KIF20A: variants seen among roughly 807,000 people sequenced by gnomAD.
KIF20A encodes kinesin-like protein KIF20A.
KIF20A carries 66 observed loss-of-function variants against 113.0 expected under a neutral mutation model. The observed-to-expected ratio is 0.58, with a 90% confidence interval of 0.48 to 0.72. KIF20A has a LOEUF of 0.72. Among genes scored for constraint, KIF20A ranks in the 30% least tolerant of loss-of-function variants. The pLI, the probability that KIF20A is intolerant of heterozygous loss-of-function variation, is 0.00. For missense variants in KIF20A, 927 were observed against 1,077.6 expected, an observed-to-expected ratio of 0.86 and a Z score of 1.96; for synonymous variants, 376 against 402.3, an observed-to-expected ratio of 0.93 and a Z score of 0.78.
At position 138,183,022 on chromosome 5, in the gene KIF20A, T is replaced by C; in HGVS notation, c.832+32T>C. 1 of 1,613,382 alleles carries C rather than the reference T, an allele frequency of 6.2e-7. No individual in the cohort carries two copies. Among genetic ancestry groups the C allele is most frequent in the Non-Finnish European group, 8.5e-7 (1 of 1,179,762 alleles). On this transcript the variant is annotated intron_variant, in intron 7 of 18. Coordinates refer to ENST00000394894, the MANE Select transcript of KIF20A (RefSeq NM_005733.3). This position sits in a 1 kb window ranked among gnomAD's most constrained non-coding sequence, Gnocchi z 5.2. The stretch of plus-strand genomic sequence containing the variant: ...ACCGTGACTGGGCTCTGCCAAAAAA[T>C]AGTAGGAACTCACTCCCTGTTCCTA...
intron 18 of KIF20A, among the ~76,000 whole-genome samples, chr5:138,186,875 CTACCT>C (rs972241593): frequency 2.6e-5 from 4 of 152,186 alleles, no homozygotes; most frequent in African/African-American, 7.2e-5. Flanking sequence ...CAAGCTCATA[CTACCT>C]TATGTGTTAG....
In KIF20A at chr5:138,184,951, T is replaced by C. The variant is rs202101506; in HGVS notation, c.1823+5T>C. The C allele has an allele frequency of 5.0e-6, 8 of 1,613,824 alleles. No individual in the cohort carries two copies. The African/African-American group carries it at 9.3e-5, about 19-fold the overall frequency. On this transcript the variant is annotated splice_donor_5th_base_variant and intron_variant, in intron 14 of 18. Coordinates refer to ENST00000394894, the MANE Select transcript of KIF20A (RefSeq NM_005733.3). ...ACAGCGGGAACAGTGGTGCAGGTAC[T>C]AGCTGAGTGACCCCTCTTGCTCTGT... is the stretch of plus-strand genomic sequence containing the variant.
chr5:138,187,209 G>A lies in KIF20A; in HGVS notation c.2469G>A (p.Gln823=), dbSNP rs766289361. The A allele has an allele frequency of 1.9e-6, 3 of 1,614,142 alleles. No homozygotes were observed. The highest frequency in any genetic ancestry group is 1.7e-6 in the Non-Finnish European group (2 of 1,180,012). The change falls in exon 19 of 19, where the codon CAG becomes CAA. Residue 823 remains glutamine (Q), a synonymous_variant. Transcript: ENST00000394894. The part of the protein sequence containing the change: ...QYHTVLKLQG[Q]VSAKKRLGTN... ...ATACTGTGTTGAAACTCCAAGGCCA[G>A]GTTTCTGCCAAAAAGCGCCTTGGTA...
Position 138,184,362 on chromosome 5 carries a change from T to A in KIF20A, c.1476T>A (p.Asp492Glu). The change falls in exon 12 of 19, where the codon GAT (aspartate) becomes GAA (glutamate). Residue 492 changes from aspartate (D) to glutamate (E), a missense_variant. Transcript: ENST00000394894. The stretch of plus-strand genomic sequence containing the variant: ...TGAATCCCTGTGCATCTACCTATGA[T>A]GAAACTCTTCATGTGGCCAAGTTCT... The part of the protein sequence containing the change: ...VNVNPCASTY[D>E]ETLHVAKFSA... The A allele has an allele frequency of 1.9e-6, 3 of 1,614,232 alleles. No individual in the cohort carries two copies. The highest frequency in any genetic ancestry group is 1.3e-5 in the African/African-American group (1 of 75,066).
At chr5:138,185,846 T>C in intron 16 of KIF20A, 115 bp from the exon 17 acceptor site, 1 of 1,292,078 alleles carries the variant, frequency 7.7e-7, no homozygotes, top group Non-Finnish European at 1.1e-6. Context: ...CAATCTAGGA[T>C]ACACATAGCC....
chr5:138,179,692 G>T lies in KIF20A; in HGVS notation c.12G>T (p.Gly4=), dbSNP rs1754607444. ...CTGCCCCTGCCGTCATGTCGCAAGG[G>T]ATCCTTTCTCCGCCAGCGGGCTTGC... is the stretch of plus-strand genomic sequence containing the variant. MSQ[G]ILSPPAGLLS... Residue 4 remains glycine (G), a synonymous_variant, in exon 2 of 19, where the codon GGG becomes GGT. Transcript: ENST00000394894. The T allele has an allele frequency of 3.1e-6, 5 of 1,614,036 alleles. No homozygotes were observed. The African/African-American group carries it at 6.7e-5, about 22-fold the overall frequency.
chr5:138,185,002 AGGAGTTAGGT>A, intron 14 of KIF20A, 56 bp downstream of exon 14: 1 of 1,605,632 alleles, frequency 6.2e-7, no homozygotes, highest in South Asian at 1.1e-5. Context: ...GTGGGAAGTA[AGGAGTTAGGT>A]GGAGTTGTGC....
chr5:138,181,382 T>C, intron 2 of KIF20A, 40 bp from the exon 3 acceptor site: 1 of 1,569,018 alleles, frequency 6.4e-7, no homozygotes, highest in South Asian at 1.1e-5. Flanking sequence ...AGGTAACTGC[T>C]GAAATTAATC....
chr5:138,181,803 T>G (rs1246543815), intron 4 of KIF20A, 75 bp downstream of exon 4: 3 of 1,553,476 alleles, frequency 1.9e-6, no homozygotes, highest in Non-Finnish European at 1.8e-6. Flanking sequence ...GAGGGAAAGC[T>G]TCTCTTCCTG....
In KIF20A at chr5:138,183,889, C is replaced by T. The variant is rs1754700976; in HGVS notation, c.1209-73C>T. On this transcript the variant is annotated intron_variant, in intron 10 of 18. Transcript: ENST00000394894. This position sits in a 1 kb window ranked among gnomAD's most constrained non-coding sequence, Gnocchi z 5.2. Reference sequence around the variant, plus strand: ...AGATTCTTAGTGGGCCGTCCCCTCTCCAGAATTATACAAAGGGCCAGAAGG... The same window carrying T: ...AGATTCTTAGTGGGCCGTCCCCTCTTCAGAATTATACAAAGGGCCAGAAGG... The T allele has an allele frequency of 8.1e-6, 13 of 1,603,518 alleles. No individual in the cohort carries two copies. The Admixed American group carries it at 1.0e-4, about 12-fold the overall frequency.
chr5:138,179,248 G>T (rs965243579), intron 1 of KIF20A, 46 bp downstream of exon 1: 8 of 191,910 alleles, frequency 4.2e-5, no homozygotes, highest in Admixed American at 1.6e-4. Flanking sequence ...GCTCTTGCCC[G>T]CGCGGAATAG....
intron 11 of KIF20A, 38 bp from the exon 12 acceptor site, chr5:138,184,201 T>G: frequency 6.2e-7 from 1 of 1,611,894 alleles, no homozygotes; most frequent in Middle Eastern, 1.7e-4. Flanking sequence ...AGGGCTGGTG[T>G]TCTGCTCACA....
Position 138,186,022 on chromosome 5 carries a change from T to G in KIF20A, c.2187T>G (p.Asp729Glu). ...CCTCAGCCAAGCCCTTCACCATTGA[T>G]GTGGACAAGAAGTTAGAAGAGGGCC... Reference protein sequence around the residue: ...PPPSAKPFTIDVDKKLEEGQK... With the variant: ...PPPSAKPFTIEVDKKLEEGQK... Residue 729 changes from aspartate (D) to glutamate (E), a missense_variant, in exon 17 of 19, where the codon GAT (aspartate) becomes GAG (glutamate). By Grantham distance (45) the Asp-to-Glu change is conservative. Transcript: ENST00000394894. 3 of 1,614,088 alleles carry G rather than the reference T, an allele frequency of 1.9e-6. No homozygotes were observed. The South Asian group carries it at 3.3e-5, about 18-fold the overall frequency.
At position 138,187,303 on chromosome 5, in the gene KIF20A, C is replaced by A. The variant is rs1264676664; in HGVS notation, c.2563C>A (p.Pro855Thr). The part of the protein sequence containing the change: ...GKKPFLRNLL[P>T]RTPTCQSSTD... ...GAAACCATTCCTTCGAAATTTACTT[C>A]CCCGAACACCAACCTGCCAAAGCTC... The change falls in exon 19 of 19, where the codon CCC (proline) becomes ACC (threonine). Residue 855 changes from proline to threonine, a missense_variant. By Grantham distance (38) the Pro-to-Thr change is conservative (BLOSUM62 -1). Transcript: ENST00000394894. 5.0e-6 allele frequency: 8 copies of A among 1,614,172 alleles called. No homozygotes were observed. The highest frequency in any genetic ancestry group is 6.8e-6 in the Non-Finnish European group (8 of 1,180,014).
chr5:138,185,754 A>G, intron 16 of KIF20A, 44 bp downstream of exon 16: 1 of 1,600,270 alleles, frequency 6.2e-7, no homozygotes, highest in Non-Finnish European at 8.6e-7. Flanking sequence ...GGTTCAGGGA[A>G]GAGCTGTTAC....
rs140968747 is a variant in KIF20A, at chr5:138,187,141, C to G, written c.2401C>G (p.Leu801Val). 42 of 1,613,608 alleles carry G rather than the reference C, an allele frequency of 2.6e-5. No individual in the cohort carries two copies. Among genetic ancestry groups the G allele is most frequent in the Non-Finnish European group, 3.4e-5 (40 of 1,179,656 alleles). The stretch of plus-strand genomic sequence containing the variant: ...GCAGAACAACATGGTGCTAGTGAAA[C>G]TGGACCTTCGGAAGAAGGCAGCATG... Reference protein sequence around the residue: ...ELQNNMVLVKLDLRKKAACIA... With the variant: ...ELQNNMVLVKVDLRKKAACIA... Residue 801 changes from leucine (L) to valine (V), a missense_variant, in exon 19 of 19, where the codon CTG becomes GTG. Coordinates refer to ENST00000394894, the MANE Select transcript of KIF20A (RefSeq NM_005733.3).
At chr5:138,187,015 G>A (rs1754755596) in intron 18 of KIF20A, 81 bp from the exon 19 acceptor site, 2 of 1,000,232 alleles carry the variant, frequency 2.0e-6, no homozygotes, top group East Asian at 5.0e-5. Flanking sequence ...AGTAATGGAT[G>A]GTATGTATTA....
In KIF20A at chr5:138,185,650, C is replaced by T. The variant is rs781329024; in HGVS notation, c.2065C>T (p.Leu689Phe). ...GGCAGCTTCTGCCTCCACCCAGCAG[C>T]TTCAGGAGGTTAAAGCTAAATTACA... ...RLAASASTQQ[L>F]QEVKAKLQQC... The change falls in exon 16 of 19, where the codon CTT (leucine) becomes TTT (phenylalanine). Residue 689 changes from leucine (L) to phenylalanine (F), a missense_variant. Coordinates refer to ENST00000394894, the MANE Select transcript of KIF20A (RefSeq NM_005733.3). The T allele has an allele frequency of 1.5e-5, 25 of 1,614,080 alleles. No homozygotes were observed. Among genetic ancestry groups the T allele is most frequent in the Non-Finnish European group, 2.0e-5 (24 of 1,180,028 alleles).
chr5:138,182,998 C>T lies in KIF20A; in HGVS notation c.832+8C>T, dbSNP rs1754685518. ...GCAGTAGCCAGCTGGATGGTATGTA[C>T]CGTGACTGGGCTCTGCCAAAAAATA... On this transcript the variant is annotated splice_region_variant and intron_variant, in intron 7 of 18. Coordinates refer to ENST00000394894, the MANE Select transcript of KIF20A (RefSeq NM_005733.3). 1 of 1,613,900 alleles carries T rather than the reference C, an allele frequency of 6.2e-7. No homozygotes were observed. The highest frequency in any genetic ancestry group is 8.5e-7 in the Non-Finnish European group (1 of 1,180,020).
Sources: allele counts gnomAD v4.1 joint callset (sites outside exome capture counted in the v4.1 genomes callset), GRCh38; gene constraint gnomAD v4.1.1; non-coding constraint Gnocchi (gnomAD v3.1); transcripts MANE v1.5; gene names NCBI Gene and HGNC (gene_info 2026-07-23, HGNC 2026-07-21).